The following ACYP2 variants were observed in gnomAD, a reference collection of about 807,000 sequenced individuals.
ACYP2 encodes acylphosphatase-2.
A neutral mutation model predicts 11.2 loss-of-function variants in ACYP2; 12 were observed. The observed-to-expected ratio is 1.08, with a 90% CI of 0.69 to 1.74. ACYP2 has a LOEUF of 1.74. Among genes scored for constraint, ACYP2 ranks in the 40% most tolerant of loss-of-function variants. The pLI, the probability that ACYP2 is intolerant of heterozygous loss-of-function variation, is 0.00. For missense variants in ACYP2, 134 were observed against 101.9 expected (o/e 1.31, Z -1.35); for synonymous variants, 43 against 32.2 (o/e 1.33, Z -1.13).
At chr2:54,186,357 T>C (rs1325942211) in intron 6 of ACYP2, among the ~76,000 whole-genome samples, 3 of 152,192 alleles carry the variant, frequency 2.0e-5, no homozygotes, top group East Asian at 1.9e-4. Context: ...TGTAAATTGG[T>C]ATGTAAATTT....
intron 2 of ACYP2, among the ~76,000 whole-genome samples, chr2:54,043,072 G>GGTGTGTGTGT (rs58940352): frequency 1.3e-5 from 2 of 148,892 alleles, no homozygotes; most frequent in Admixed American, 1.3e-4. Flanking sequence ...GTGTGTGTGG[G>GGTGTGTGTGT]GTGTGTGTGT....
chr2:54,284,133 TATA>T (rs1194809834), intron 6 of ACYP2, among the ~76,000 whole-genome samples: 2 of 152,214 alleles, frequency 1.3e-5, no homozygotes, highest in African/African-American at 4.8e-5. Flanking sequence ...TAACAGTTCT[TATA>T]ATATGATTTA....
chr2:53,991,109 T>C (rs1350022042), intron 2 of ACYP2, among the ~76,000 whole-genome samples: 1 of 152,190 alleles, frequency 6.6e-6, no homozygotes, highest in Non-Finnish European at 1.5e-5. Context: ...AATTTGTGTT[T>C]CTAACAAGCT....
intron 2 of ACYP2, chr2:53,975,316 G>A (rs550570192): frequency 1.8e-5 from 7 of 398,310 alleles, no homozygotes; most frequent in South Asian, 1.3e-4. Context: ...AAGAATTTAC[G>A]GGAGCAAGCA....
intron 2 of ACYP2, chr2:53,973,901 G>T (rs143369190): frequency 2.3e-5 from 2 of 87,562 alleles, no homozygotes; most frequent in African/African-American, 4.5e-5. Context: ...GTGTGTGTGT[G>T]TATATATTTT....
intron 4 of ACYP2, among the ~76,000 whole-genome samples, chr2:54,121,859 A>G (rs897049192): frequency 2.0e-5 from 3 of 152,220 alleles, no homozygotes; most frequent in South Asian, 2.1e-4. Flanking sequence ...GCTTGTTTTC[A>G]TATCCCCTAC....
intron 6 of ACYP2, among the ~76,000 whole-genome samples, chr2:54,226,086 A>T (rs1399565835): frequency 6.6e-6 from 1 of 152,254 alleles, no homozygotes; most frequent in Non-Finnish European, 1.5e-5. Context: ...GAAGTCTTGT[A>T]TAAACATCCT....
rs59874821 is a variant in ACYP2 at position 54,201,636 on chromosome 2, C to CTTTCTTTCTCTTTCTTTCTTTCTTTCTT, written c.404+62889_404+62890insTTCTTTCTCTTTCTTTCTTTCTTTCTTT. Among the ~76,000 whole-genome samples, 17 of 93,694 alleles carry CTTTCTTTCTCTTTCTTTCTTTCTTTCTT rather than the reference C, an allele frequency of 1.8e-4. 1 individual carries two copies. Among genetic ancestry groups the CTTTCTTTCTCTTTCTTTCTTTCTTTCTT allele is most frequent in the Admixed American group, 4.5e-4 (4 of 8,946 alleles). 61.5% of individuals were successfully genotyped at this position (93,694 alleles called of 152,430 possible). ...TCTTTCTTTCTTTGTTTCTTTCTTT[C>CTTTCTTTCTCTTTCTTTCTTTCTTTCTT]TCTTTCTTTCTTTCTTTCTTTCTTT... is the stretch of plus-strand genomic sequence containing the variant. On this transcript the variant is annotated intron_variant, in intron 6 of 6. Coordinates refer to ENST00000607452, the MANE Select transcript of ACYP2 (RefSeq NM_001320586.2).
chr2:54,061,444 C>T (rs1008482956), intron 4 of ACYP2, among the ~76,000 whole-genome samples: 5 of 152,196 alleles, frequency 3.3e-5, no homozygotes, highest in African/African-American at 1.2e-4. Context: ...TAGTTTCACT[C>T]TCATGGGAGT....
At chr2:53,976,394 A>G (rs1024573257) in intron 2 of ACYP2, among the ~76,000 whole-genome samples, 1 of 152,108 alleles carries the variant, frequency 6.6e-6, no homozygotes, top group Non-Finnish European at 1.5e-5. Flanking sequence ...TCTTGTAGAG[A>G]TAGAGTCTCA....
At chr2:54,161,034 C>T (rs1249177491) in intron 6 of ACYP2, among the ~76,000 whole-genome samples, 3 of 152,168 alleles carry the variant, frequency 2.0e-5, no homozygotes, top group South Asian at 2.1e-4. Context: ...TTGTTAGAAA[C>T]GTAAATTCTT....
chr2:54,218,272 G>A (rs1231850528), intron 6 of ACYP2, among the ~76,000 whole-genome samples: 2 of 152,126 alleles, frequency 1.3e-5, no homozygotes, highest in Admixed American at 6.5e-5. Context: ...TACACTCTGA[G>A]GATCTCATCC....
At chr2:54,281,215 A>G (rs1034622466) in intron 6 of ACYP2, among the ~76,000 whole-genome samples, 1 of 152,220 alleles carries the variant, frequency 6.6e-6, no homozygotes, top group Non-Finnish European at 1.5e-5. Context: ...TCCAATTATG[A>G]TTAACTTTGT....
intron 2 of ACYP2, among the ~76,000 whole-genome samples, chr2:54,011,564 A>G (rs902886830): frequency 7.9e-5 from 12 of 152,166 alleles, no homozygotes; most frequent in Non-Finnish European, 1.8e-4. Flanking sequence ...TTAATGTTGT[A>G]TCTTGCATTT....
chr2:54,201,604 CTTT>C lies in ACYP2; in HGVS notation c.404+62857_404+62859del, dbSNP rs1558608443. On this transcript the variant is annotated intron_variant, in intron 6 of 6. Coordinates refer to ENST00000607452, the MANE Select transcript of ACYP2 (RefSeq NM_001320586.2). Reference sequence around the variant, plus strand: ...TCTTTTTCTTTCTTTCTCTTTCTTTCTTTCTTTCTTTCTTTCTTTGTTTCTTTC... The same window carrying C: ...TCTTTTTCTTTCTTTCTCTTTCTTTCCTTTCTTTCTTTCTTTGTTTCTTTC... Among the ~76,000 whole-genome samples, 313 of 83,954 alleles carry C rather than the reference CTTT, an allele frequency of 3.7e-3. 3 individuals carry two copies. Among genetic ancestry groups the C allele is most frequent in the African/African-American group, 0.013 (302 of 23,492 alleles). 55.1% of individuals were successfully genotyped at this position (83,954 alleles called of 152,430 possible).
chr2:54,117,561 T>C (rs1679884358), intron 4 of ACYP2, among the ~76,000 whole-genome samples: 1 of 152,204 alleles, frequency 6.6e-6, no homozygotes, highest in African/African-American at 2.4e-5. Flanking sequence ...CCCAAAGTGA[T>C]GGGATTACAG....
intron 2 of ACYP2, among the ~76,000 whole-genome samples, chr2:54,046,905 C>T (rs1675557819): frequency 6.6e-6 from 1 of 152,162 alleles, no homozygotes; most frequent in African/African-American, 2.4e-5. Flanking sequence ...CAAGTTCTAC[C>T]ATTACCTGGC....
chr2:53,979,892 A>G (rs1671668434), intron 2 of ACYP2, among the ~76,000 whole-genome samples: 1 of 151,902 alleles, frequency 6.6e-6, no homozygotes, highest in Non-Finnish European at 1.5e-5. Context: ...AGGTTTCACC[A>G]TGTTGGCCAG....
chr2:54,144,804 G>A (rs768407969), intron 6 of ACYP2, among the ~76,000 whole-genome samples: 4 of 151,538 alleles, frequency 2.6e-5, no homozygotes, highest in Non-Finnish European at 5.9e-5. Flanking sequence ...TACTTAATTG[G>A]TATATTTTTA....
Sources: gnomAD v4.1 joint callset for allele counts (sites outside exome capture counted in the v4.1 genomes callset) on GRCh38, gnomAD v4.1.1 for gene constraint, MANE v1.5 for transcripts, NCBI Gene and HGNC (gene_info 2026-07-23, HGNC 2026-07-21) for gene names.